The following WFDC10B variants were observed in gnomAD, a reference collection of about 807,000 sequenced individuals.
WFDC10B encodes the protein protein WFDC10B.
Under a neutral mutation model 2.7 loss-of-function variants are expected in WFDC10B, and 1 was observed. The observed-to-expected ratio is 0.38, with a 90% CI of 0.13 to 1.79. The LOEUF (loss-of-function observed/expected upper bound fraction) is 1.79. Ranked by LOEUF, WFDC10B falls within the 40% of genes most tolerant of loss-of-function variation. The pLI is 0.33. For missense variants in WFDC10B, 71 were observed against 87.8 expected, an observed-to-expected ratio of 0.81 and a Z score of 0.76; for synonymous variants, 26 against 32.2, an observed-to-expected ratio of 0.81 and a Z score of 0.65.
At chr20:45,704,649 C>A in intron 1 of WFDC10B, 88 bp from the exon 2 acceptor site, 7 of 1,591,654 alleles carry the variant, frequency 4.4e-6, no homozygotes, top group Non-Finnish European at 6.0e-6. Flanking sequence ...GGGAGCCCAG[C>A]AGAAGAGTCC....
chr20:45,700,743 T>A (rs1436368137), intron 2 of WFDC10B, among the ~76,000 whole-genome samples: 1 of 152,042 alleles, frequency 6.6e-6, no homozygotes, highest in East Asian at 1.9e-4. Flanking sequence ...AAACAAGAAG[T>A]TTTCATTTTA....
intron 2 of WFDC10B, among the ~76,000 whole-genome samples, chr20:45,692,076 T>C (rs1983830610): frequency 6.6e-6 from 1 of 152,202 alleles, no homozygotes; most frequent in Admixed American, 6.5e-5. Flanking sequence ...TAAAGTATTT[T>C]ATTTCTCCTT....
intron 2 of WFDC10B, among the ~76,000 whole-genome samples, chr20:45,698,645 T>A (rs1275632764): frequency 9.4e-5 from 14 of 148,222 alleles, no homozygotes; most frequent in Admixed American, 9.4e-4. Context: ...AAAGAAAATA[T>A]AAAAATGACC....
At chr20:45,702,093 C>T (rs780207332) in intron 2 of WFDC10B, 1 of 1,603,358 alleles carries the variant, frequency 6.2e-7, no homozygotes, top group Admixed American at 1.7e-5. Flanking sequence ...CAACCCTTGG[C>T]CAGAACTTAC....
At chr20:45,687,456 A>T (rs1225339894) in intron 2 of WFDC10B, among the ~76,000 whole-genome samples, 1 of 152,196 alleles carries the variant, frequency 6.6e-6, no homozygotes, top group African/African-American at 2.4e-5. Flanking sequence ...TATTGTGAAT[A>T]GTGCTGCAAT....
At chr20:45,703,712 G>T (rs1268508731) in intron 2 of WFDC10B, among the ~76,000 whole-genome samples, 1 of 152,128 alleles carries the variant, frequency 6.6e-6, no homozygotes, top group African/African-American at 2.4e-5. Context: ...TGAAATACTT[G>T]GGGGTAGGGG....
chr20:45,693,413 T>A (rs1983879247), intron 2 of WFDC10B, among the ~76,000 whole-genome samples: 1 of 152,250 alleles, frequency 6.6e-6, no homozygotes, highest in Non-Finnish European at 1.5e-5. Context: ...TTTGTTTGTC[T>A]GTGCCCTGCC....
At chr20:45,686,586 C>A (rs1184766973) in intron 2 of WFDC10B, among the ~76,000 whole-genome samples, 1 of 151,854 alleles carries the variant, frequency 6.6e-6, no homozygotes. Flanking sequence ...CCAATTTCCA[C>A]AGTTGTGAAA....
At chr20:45,700,334 G>T (rs777226251) in intron 2 of WFDC10B, among the ~76,000 whole-genome samples, 1 of 152,052 alleles carries the variant, frequency 6.6e-6, no homozygotes, top group Non-Finnish European at 1.5e-5. Context: ...ATAAAGAAGG[G>T]CTGCTACTCA....
chr20:45,693,747 T>A (rs1178305381), intron 2 of WFDC10B, among the ~76,000 whole-genome samples: 3 of 152,194 alleles, frequency 2.0e-5, no homozygotes, highest in African/African-American at 7.2e-5. Flanking sequence ...TTTCTTTGAC[T>A]AGGAAAAGGA....
At chr20:45,702,749 T>C (rs1345189486) in intron 2 of WFDC10B, among the ~76,000 whole-genome samples, 1 of 152,200 alleles carries the variant, frequency 6.6e-6, no homozygotes, top group Non-Finnish European at 1.5e-5. Context: ...TTAGCATCAA[T>C]GGGACAGTGT....
At chr20:45,688,490 C>G (rs938401791) in intron 2 of WFDC10B, among the ~76,000 whole-genome samples, 27 of 152,318 alleles carry the variant, frequency 1.8e-4, no homozygotes, top group Admixed American at 5.2e-4. Context: ...TCTCCACATC[C>G]TCTCCAGCAC....
intron 3 of WFDC10B, 138 bp downstream of exon 3, chr20:45,685,764 C>A: frequency 7.0e-7 from 1 of 1,420,904 alleles, no homozygotes; most frequent in Non-Finnish European, 9.5e-7. Flanking sequence ...TTTGGGACAG[C>A]CCAGAGTCTG....
At chr20:45,697,887 G>C (rs1325963322) in intron 2 of WFDC10B, among the ~76,000 whole-genome samples, 2 of 151,686 alleles carry the variant, frequency 1.3e-5, no homozygotes, top group African/African-American at 2.4e-5. Context: ...GGGACTACCA[G>C]AGTGTGCCAC....
intron 2 of WFDC10B, among the ~76,000 whole-genome samples, chr20:45,689,420 A>T (rs1289482055): frequency 6.6e-6 from 1 of 151,746 alleles, no homozygotes; most frequent in African/African-American, 2.4e-5. Flanking sequence ...GAATCTATAA[A>T]TTACCTTGGG....
At chr20:45,686,406 TTAATG>T (rs1369929845) in intron 2 of WFDC10B, among the ~76,000 whole-genome samples, 8 of 152,246 alleles carry the variant, frequency 5.3e-5, no homozygotes, top group Admixed American at 4.6e-4. Flanking sequence ...CTCTGTATAT[TTAATG>T]TAAACAATCT....
intron 2 of WFDC10B, among the ~76,000 whole-genome samples, chr20:45,694,181 G>GTGAT (rs1252358187): frequency 6.6e-6 from 1 of 152,092 alleles, no homozygotes; most frequent in Non-Finnish European, 1.5e-5. Flanking sequence ...ATTGCTTTTG[G>GTGAT]TGATTTTGTC....
At chr20:45,702,997 T>C (rs1351098723) in intron 2 of WFDC10B, among the ~76,000 whole-genome samples, 1 of 152,174 alleles carries the variant, frequency 6.6e-6, no homozygotes, top group Non-Finnish European at 1.5e-5. Flanking sequence ...CATGCAGGTT[T>C]GTAGGACTAA....
chr20:45,702,765 C>T (rs1351429266), intron 2 of WFDC10B, among the ~76,000 whole-genome samples: 1 of 152,176 alleles, frequency 6.6e-6, no homozygotes, highest in Admixed American at 6.5e-5. Context: ...AGTGTAGAGT[C>T]CATCTCAGCA....
Sources: allele counts gnomAD v4.1 joint callset (sites outside exome capture counted in the v4.1 genomes callset), GRCh38; gene constraint gnomAD v4.1.1; transcripts MANE v1.5; gene names NCBI Gene and HGNC (gene_info 2026-07-23, HGNC 2026-07-21).